CABIN1: variants seen among roughly 807,000 people sequenced by gnomAD.
CABIN1 encodes the protein calcineurin binding protein 1.
A neutral mutation model predicts 227.7 loss-of-function variants in CABIN1; 133 were observed. The observed-to-expected ratio is 0.58, with a 90% CI of 0.51 to 0.67. The LOEUF (loss-of-function observed/expected upper bound fraction) is 0.67, where lower values mean the gene tolerates loss of function less well. Among genes scored for constraint, CABIN1 ranks in the 30% least tolerant of loss-of-function variants. The pLI is 0.00. For synonymous variants in CABIN1, 1,086 were observed against 1,155.1 expected (o/e 0.94, Z 1.21); for missense variants, 2,408 against 2,852.5 (o/e 0.84, Z 3.55).
chr22:24,054,841 G>T, intron 8 of CABIN1, 32 bp from the exon 9 acceptor site: 1 of 1,614,074 alleles, frequency 6.2e-7, no homozygotes, highest in Non-Finnish European at 8.5e-7. Context: ...CTGACAGGGT[G>T]GTGATCAGGT....
At chr22:24,090,358 T>C (rs2041461871) in intron 23 of CABIN1, among the ~76,000 whole-genome samples, 1 of 152,114 alleles carries the variant, frequency 6.6e-6, no homozygotes. Context: ...TAGAAGGACA[T>C]CCTTTTAGCC....
intron 17 of CABIN1, among the ~76,000 whole-genome samples, chr22:24,071,984 T>C (rs1269034733): frequency 1.3e-5 from 2 of 152,224 alleles, no homozygotes; most frequent in African/African-American, 4.8e-5. Flanking sequence ...TGAGCCATTG[T>C]GGCTGCATCT....
intron 26 of CABIN1, among the ~76,000 whole-genome samples, chr22:24,104,929 A>G (rs576918856): frequency 6.6e-6 from 1 of 152,184 alleles, no homozygotes; most frequent in African/African-American, 2.4e-5. Context: ...TCAGGCTTTC[A>G]CTGCCCCAGG....
chr22:24,052,807 T>A (rs1239496897), intron 8 of CABIN1, among the ~76,000 whole-genome samples: 6 of 149,532 alleles, frequency 4.0e-5, no homozygotes, highest in South Asian at 2.1e-4. Flanking sequence ...AAAAAAAAAA[T>A]TAAAAAATAA....
At chr22:24,141,073 G>A (rs1276878636) in intron 29 of CABIN1, among the ~76,000 whole-genome samples, 3 of 152,130 alleles carry the variant, frequency 2.0e-5, no homozygotes, top group Non-Finnish European at 4.4e-5. Context: ...TCTGGAGATG[G>A]GCCTGCATGG....
chr22:24,014,019 T>C (rs1485862639), intron 1 of CABIN1, among the ~76,000 whole-genome samples: 4 of 152,228 alleles, frequency 2.6e-5, no homozygotes, highest in Non-Finnish European at 2.9e-5. Flanking sequence ...ATTGGTTTAC[T>C]TGGTGTCTAC....
At chr22:24,052,223 G>C (rs909343102) in intron 8 of CABIN1, among the ~76,000 whole-genome samples, 2 of 152,124 alleles carry the variant, frequency 1.3e-5, no homozygotes, top group Non-Finnish European at 2.9e-5. Context: ...TAGGGGGAGG[G>C]CTAAGTAGAA....
intron 22 of CABIN1, among the ~76,000 whole-genome samples, chr22:24,086,061 C>T (rs1488702629): frequency 6.6e-6 from 1 of 152,208 alleles, no homozygotes; most frequent in Non-Finnish European, 1.5e-5. Context: ...GTTTGCAAGA[C>T]TTGTGTAGAT....
At chr22:24,159,491 C>G (rs554913534) in intron 29 of CABIN1, among the ~76,000 whole-genome samples, 1 of 152,318 alleles carries the variant, frequency 6.6e-6, no homozygotes, top group South Asian at 2.1e-4. Flanking sequence ...AGGCCAGGTG[C>G]CCTGGGTCTC....
intron 19 of CABIN1, among the ~76,000 whole-genome samples, chr22:24,078,536 GA>G (rs2040590877): frequency 1.3e-5 from 2 of 152,148 alleles, no homozygotes; most frequent in Admixed American, 1.3e-4. Flanking sequence ...AGATAGAATG[GA>G]AATGTTCTCT....
At chr22:24,077,682 C>A (rs933253712) in intron 19 of CABIN1, among the ~76,000 whole-genome samples, 1 of 152,182 alleles carries the variant, frequency 6.6e-6, no homozygotes, top group Non-Finnish European at 1.5e-5. Context: ...CTCCCTTTTT[C>A]TGCCTTCCCT....
At chr22:24,143,174 G>A (rs1265353164) in intron 29 of CABIN1, among the ~76,000 whole-genome samples, 1 of 152,194 alleles carries the variant, frequency 6.6e-6, no homozygotes, top group African/African-American at 2.4e-5. Flanking sequence ...TAGTGTGGAA[G>A]CCCATGCGTT....
chr22:24,076,356 G>A, intron 19 of CABIN1, 72 bp downstream of exon 19: 1 of 1,265,896 alleles, frequency 7.9e-7, no homozygotes, highest in Non-Finnish European at 1.2e-6. Flanking sequence ...AATGGGAAGG[G>A]GACAGATTCA....
chr22:24,043,372 A>T (rs1227591388), intron 6 of CABIN1, among the ~76,000 whole-genome samples: 1 of 91,124 alleles, frequency 1.1e-5, no homozygotes, highest in Admixed American at 1.8e-4. Context: ...TGGCTATCTT[A>T]TTTCCTCCCT....
At chr22:24,090,744 C>T (rs2041491609) in intron 23 of CABIN1, among the ~76,000 whole-genome samples, 1 of 152,066 alleles carries the variant, frequency 6.6e-6, no homozygotes, top group South Asian at 2.1e-4. Flanking sequence ...CAGACTCATC[C>T]CCTCTCACTG....
intron 21 of CABIN1, 23 bp downstream of exon 21, chr22:24,084,808 GT>G (rs779370954): frequency 7.5e-5 from 120 of 1,610,092 alleles, no homozygotes; most frequent in Non-Finnish European, 9.9e-5. Context: ...CCTTGAGGAC[GT>G]GGGGGACAGG....
intron 26 of CABIN1, among the ~76,000 whole-genome samples, chr22:24,112,762 G>A (rs117448407): frequency 0.015 from 2,314 of 152,200 alleles, 25 homozygotes; most frequent in Admixed American, 0.021. Flanking sequence ...AGAATAGAAG[G>A]TTTTTCCTTT....
chr22:24,143,282 G>A (rs2044888858), intron 29 of CABIN1, among the ~76,000 whole-genome samples: 1 of 152,204 alleles, frequency 6.6e-6, no homozygotes, highest in Non-Finnish European at 1.5e-5. Context: ...CCATTGGCTG[G>A]ATGGGGAGGA....
At position 24,070,873 on chromosome 22, in the gene CABIN1, A is replaced by G. The variant is rs201700516; in HGVS notation, c.2306A>G (p.Gln769Arg). ...GATGTGGCTCTGAACGAGGCTGTCC[A>G]GCAGATGGTGAACTCAGGTGAGGCT... Reference protein sequence around the residue: ...CSDVALNEAVQQMVNSGEAAA... With the variant: ...CSDVALNEAVRQMVNSGEAAA... Residue 769 changes from glutamine to arginine, a missense_variant, in exon 17 of 37, where the codon CAG (glutamine) becomes CGG (arginine). Gln to Arg is a conservative substitution (Grantham distance 43). This residue lies in a region of CABIN1 where 1,045 missense variants were observed against 1,168.4 expected (regional missense o/e 0.89). Transcript: ENST00000263119. 6.2e-7 allele frequency: 1 copy of G among 1,614,244 alleles called. No individual in the cohort carries two copies. Among genetic ancestry groups the G allele is most frequent in the Non-Finnish European group, 8.5e-7 (1 of 1,180,036 alleles).
Sources: allele counts gnomAD v4.1 joint callset (sites outside exome capture counted in the v4.1 genomes callset), GRCh38; gene constraint gnomAD v4.1.1; regional missense constraint gnomAD v4.1.1; transcripts MANE v1.5; gene names NCBI Gene and HGNC (gene_info 2026-07-23, HGNC 2026-07-21).